RAB2A: variants seen among roughly 807,000 people sequenced by gnomAD.
RAB2A encodes the protein ras-related protein Rab-2A.
RAB2A carries 7 observed loss-of-function variants against 32.5 expected under a neutral mutation model. The ratio of observed to expected loss-of-function variants is 0.22; its 90% CI spans 0.12 to 0.40. RAB2A has a LOEUF of 0.40. Ranked by LOEUF, RAB2A falls within the 10% of genes least tolerant of loss-of-function variation. The pLI is 1.00. For synonymous variants in RAB2A, 79 were observed against 85.2 expected (o/e 0.93, Z 0.40); for missense variants, 108 against 260.7 (o/e 0.41, Z 4.03).
chr8:60,528,571 C>T (rs1030691955), intron 1 of RAB2A, among the ~76,000 whole-genome samples: 1 of 152,054 alleles, frequency 6.6e-6, no homozygotes, highest in Non-Finnish European at 1.5e-5. Flanking sequence ...AGCATGTTAT[C>T]CTTGATTCTA....
At chr8:60,546,809 A>G (rs1807734213) in intron 1 of RAB2A, among the ~76,000 whole-genome samples, 1 of 151,926 alleles carries the variant, frequency 6.6e-6, no homozygotes, top group Admixed American at 6.5e-5. Context: ...CCACTACACA[A>G]TGCTGACAGT....
At chr8:60,594,394 A>G (rs527712641) in intron 6 of RAB2A, among the ~76,000 whole-genome samples, 6 of 152,322 alleles carry the variant, frequency 3.9e-5, no homozygotes, top group African/African-American at 1.4e-4. Context: ...ATAGCACCCT[A>G]CGTATAGGGG....
In RAB2A at chr8:60,621,019, G is replaced by A; in HGVS notation, c.*250G>A. 1 of 412,922 alleles carries A rather than the reference G, an allele frequency of 2.4e-6. No individual in the cohort carries two copies. The highest frequency in any genetic ancestry group is 4.3e-6 in the Non-Finnish European group (1 of 230,346). 25.6% of individuals were successfully genotyped at this position (412,922 alleles called of 1,614,324 possible). A position where few individuals can be genotyped will look rare whatever the true frequency, so the allele number is the denominator to read the frequency against. On this transcript the variant is annotated 3_prime_UTR_variant, in exon 8 of 8. Transcript: ENST00000262646. ...ATTGATGTGATTATTTTTGTTAAAT[G>A]TTGTCTTGTGCCCTTAACTACGAAC...
intron 2 of RAB2A, among the ~76,000 whole-genome samples, chr8:60,569,546 T>C (rs2130838423): frequency 6.6e-6 from 1 of 152,320 alleles, no homozygotes; most frequent in East Asian, 1.9e-4. Flanking sequence ...GGTCTCACTC[T>C]GTCACCCAGG....
intron 1 of RAB2A, chr8:60,552,250 C>T (rs1242512210): frequency 1.3e-5 from 2 of 152,050 alleles, no homozygotes; most frequent in Admixed American, 6.6e-5. Flanking sequence ...ATCCACCCGC[C>T]TCGGCCTCTC....
At chr8:60,584,028 T>A (rs1326660371) in intron 3 of RAB2A, 180 bp from the exon 4 acceptor site, 1 of 524,798 alleles carries the variant, frequency 1.9e-6, no homozygotes, top group Admixed American at 3.1e-5. Flanking sequence ...TCTCGTTGAC[T>A]TGAGCAATCT....
chr8:60,584,328 C>G, intron 4 of RAB2A, 38 bp downstream of exon 4: 1 of 1,493,658 alleles, frequency 6.7e-7, no homozygotes, highest in Non-Finnish European at 9.3e-7. Context: ...GTAGTTGATA[C>G]AGAGAATTTT....
intron 6 of RAB2A, among the ~76,000 whole-genome samples, chr8:60,600,227 G>A (rs1418688828): frequency 3.3e-5 from 5 of 152,178 alleles, no homozygotes; most frequent in African/African-American, 1.2e-4. Context: ...GCCAGGCCTG[G>A]TTGGTGTAAG....
chr8:60,592,874 T>C lies in RAB2A; in HGVS notation c.474+905T>C, dbSNP rs561878482. Among the ~76,000 whole-genome samples the C allele has an allele frequency of 7.2e-5, 11 of 152,276 alleles. No homozygotes were observed. In the South Asian group the frequency reaches 1.7e-3, roughly 23 times the overall value. On this transcript the variant is annotated intron_variant, in intron 6 of 7. Transcript: ENST00000262646. ...GTAGTTTATCCAAAGTAATACTTAG[T>C]TCCCGATTTCTAGATAAGAACAGCT...
At chr8:60,598,502 C>T (rs1277823420) in intron 6 of RAB2A, among the ~76,000 whole-genome samples, 1 of 151,948 alleles carries the variant, frequency 6.6e-6, no homozygotes, top group Non-Finnish European at 1.5e-5. Flanking sequence ...CAACAAAATA[C>T]CAGAAAATAG....
At chr8:60,598,961 A>G (rs1337187087) in intron 6 of RAB2A, among the ~76,000 whole-genome samples, 3 of 147,828 alleles carry the variant, frequency 2.0e-5, no homozygotes, top group Admixed American at 1.3e-4. Flanking sequence ...AAAAAAAAAA[A>G]AAAAAGAAAA....
chr8:60,533,493 T>C (rs1402040141), intron 1 of RAB2A, among the ~76,000 whole-genome samples: 1 of 152,222 alleles, frequency 6.6e-6, no homozygotes, highest in Non-Finnish European at 1.5e-5. Flanking sequence ...GAGGGACTCA[T>C]ACCAGGACCG....
At chr8:60,521,976 A>G (rs982215508) in intron 1 of RAB2A, among the ~76,000 whole-genome samples, 1 of 152,228 alleles carries the variant, frequency 6.6e-6, no homozygotes, top group South Asian at 2.1e-4. Context: ...ATGCAAAACC[A>G]TTGACAAATG....
intron 3 of RAB2A, among the ~76,000 whole-genome samples, chr8:60,581,029 TCTTC>T (rs1472287990): frequency 6.6e-6 from 1 of 152,218 alleles, no homozygotes; most frequent in Non-Finnish European, 1.5e-5. Context: ...TTACAGTAGC[TCTTC>T]CTTATCCATG....
chr8:60,596,678 T>TTG (rs1379660569), intron 6 of RAB2A, among the ~76,000 whole-genome samples: 1 of 151,994 alleles, frequency 6.6e-6, no homozygotes, highest in Non-Finnish European at 1.5e-5. Flanking sequence ...ATCCCAGCAC[T>TTG]TTGGGAGGCT....
chr8:60,589,905 A>G (rs918324793), intron 5 of RAB2A, among the ~76,000 whole-genome samples: 8 of 152,166 alleles, frequency 5.3e-5, no homozygotes, highest in Non-Finnish European at 1.0e-4. Flanking sequence ...AGTTCCATGA[A>G]ACAGTAGATG....
intron 6 of RAB2A, among the ~76,000 whole-genome samples, chr8:60,597,999 T>C (rs1380258856): frequency 1.3e-5 from 2 of 152,144 alleles, no homozygotes; most frequent in Non-Finnish European, 2.9e-5. Context: ...AAAAGTTAAT[T>C]TGAGCCTGGG....
intron 6 of RAB2A, among the ~76,000 whole-genome samples, chr8:60,615,976 G>A (rs1461129123): frequency 1.1e-4 from 16 of 152,106 alleles, no homozygotes. Flanking sequence ...TGCTCAGGGG[G>A]TAGAAAATAC....
intron 3 of RAB2A, among the ~76,000 whole-genome samples, chr8:60,579,753 G>T (rs916970331): frequency 6.6e-6 from 1 of 150,858 alleles, no homozygotes; most frequent in Non-Finnish European, 1.5e-5. Flanking sequence ...TCAGCTTCCC[G>T]AGTAGCTGGG....
Sources: gnomAD v4.1 joint callset for allele counts (sites outside exome capture counted in the v4.1 genomes callset) on GRCh38, gnomAD v4.1.1 for gene constraint, MANE v1.5 for transcripts, NCBI Gene and HGNC (gene_info 2026-07-23, HGNC 2026-07-21) for gene names.